Variants in MICAL3 observed in about 807,000 individuals in gnomAD.
The protein encoded by MICAL3 is microtubule associated monooxygenase, calponin and LIM domain containing 3, also known as [F-actin]-monooxygenase MICAL3.
Under a neutral mutation model 207.4 loss-of-function variants are expected in MICAL3, and 62 were observed. That is an observed-to-expected ratio of 0.30 (90% CI 0.24 to 0.37). The LOEUF (loss-of-function observed/expected upper bound fraction) is 0.37. MICAL3 is among the 10% of genes least tolerant of loss of function. MICAL3 has a pLI of 1.00. For synonymous variants in MICAL3, 1,077 were observed against 1,069.3 expected, an observed-to-expected ratio of 1.01 and a Z score of -0.14; for missense variants, 2,368 against 2,635.6, an observed-to-expected ratio of 0.90 and a Z score of 2.22.
At chr22:17,959,338 A>T (rs1934787917) in intron 1 of MICAL3, among the ~76,000 whole-genome samples, 1 of 136,144 alleles carries the variant, frequency 7.3e-6, no homozygotes, top group Non-Finnish European at 1.6e-5. Context: ...TTTTTGAAAC[A>T]GAGTCTCGCT....
intron 12 of MICAL3, 53 bp downstream of exon 12, chr22:17,891,432 G>A: frequency 6.5e-7 from 1 of 1,536,568 alleles, no homozygotes; most frequent in South Asian, 1.1e-5. Flanking sequence ...ATAGCAGAGT[G>A]GTCTGAGATC....
rs1373694929 is a variant in MICAL3, at chr22:17,821,024, CCTAT to C, written c.3531+399_3531+402del. Among the ~76,000 whole-genome samples, 89 of 103,496 alleles carry C rather than the reference CCTAT, an allele frequency of 8.6e-4. 2 individuals carry two copies. Among genetic ancestry groups the C allele is most frequent in the African/African-American group, 2.2e-3 (77 of 35,490 alleles). The allele number at this position is 103,496 out of a possible 152,430, so 67.9% of individuals were successfully genotyped here. Reference sequence around the variant, plus strand: ...TATATTTATAAACAATTTTAATACACCTATGTTTATTATACATTTATTAAATATA... The same window carrying C: ...TATATTTATAAACAATTTTAATACACGTTTATTATACATTTATTAAATATA... On this transcript the variant is annotated intron_variant, in intron 25 of 31. Coordinates refer to ENST00000441493, the MANE Select transcript of MICAL3 (RefSeq NM_015241.3).
At chr22:17,980,921 G>A (rs1253245400) in intron 1 of MICAL3, 5 of 533,286 alleles carry the variant, frequency 9.4e-6, no homozygotes, top group Admixed American at 3.9e-5. Flanking sequence ...GGCCTGCCCC[G>A]GCCCCCACCA....
chr22:17,843,423 C>T (rs372014202), intron 19 of MICAL3, among the ~76,000 whole-genome samples: 2 of 152,206 alleles, frequency 1.3e-5, no homozygotes, highest in African/African-American at 2.4e-5. Flanking sequence ...CAGGTGGAGG[C>T]GGGCAACCCC....
chr22:17,988,612 G>A (rs1288797082), intron 1 of MICAL3, among the ~76,000 whole-genome samples: 15 of 152,064 alleles, frequency 9.9e-5, no homozygotes, highest in Non-Finnish European at 2.1e-4. Flanking sequence ...CTGCAACCGC[G>A]CCCGGCTAAT....
At chr22:17,811,266 G>A (rs2062045139) in intron 27 of MICAL3, 1 of 154,960 alleles carries the variant, frequency 6.5e-6, no homozygotes, top group Non-Finnish European at 1.4e-5. Flanking sequence ...GCTTCTAGGA[G>A]GCTTACAGGG....
chr22:17,863,467 T>A, intron 19 of MICAL3: 1 of 985,380 alleles, frequency 1.0e-6, no homozygotes, highest in Non-Finnish European at 1.2e-6. Flanking sequence ...GCTCTGAGAG[T>A]GTCAGCTGCA....
intron 18 of MICAL3, among the ~76,000 whole-genome samples, chr22:17,865,638 T>A (rs1927021791): frequency 6.6e-6 from 1 of 152,176 alleles, no homozygotes; most frequent in Admixed American, 6.5e-5. Flanking sequence ...CAGAAAGATG[T>A]GTGTTGACGA....
At chr22:18,016,151 TG>T (rs978770124) in intron 1 of MICAL3, among the ~76,000 whole-genome samples, 11 of 152,232 alleles carry the variant, frequency 7.2e-5, no homozygotes, top group African/African-American at 2.7e-4. Flanking sequence ...ACAATAAATA[TG>T]GAATTTTACT....
intron 1 of MICAL3, among the ~76,000 whole-genome samples, chr22:17,959,921 C>T (rs768322815): frequency 2.6e-5 from 4 of 152,160 alleles, no homozygotes; most frequent in South Asian, 2.1e-4. Flanking sequence ...TTGACATGGA[C>T]GAAAAGCTCA....
chr22:17,823,436 C>T (rs1360271304), intron 22 of MICAL3, among the ~76,000 whole-genome samples: 1 of 152,204 alleles, frequency 6.6e-6, no homozygotes, highest in Non-Finnish European at 1.5e-5. Flanking sequence ...TGGCTGTGTG[C>T]TGACCGCCTC....
intron 1 of MICAL3, among the ~76,000 whole-genome samples, chr22:17,975,460 T>C (rs1413964363): frequency 6.6e-6 from 1 of 152,020 alleles, no homozygotes; most frequent in Non-Finnish European, 1.5e-5. Context: ...TCTGCACTCT[T>C]CCTTACCCAG....
intron 19 of MICAL3, among the ~76,000 whole-genome samples, chr22:17,853,054 G>A (rs1004586447): frequency 4.7e-5 from 7 of 149,036 alleles, no homozygotes; most frequent in Non-Finnish European, 1.0e-4. Context: ...CACCCTAGGT[G>A]ACAGAGCGAG....
chr22:17,936,979 C>T (rs1478030411), intron 1 of MICAL3, among the ~76,000 whole-genome samples: 1 of 152,178 alleles, frequency 6.6e-6, no homozygotes, highest in African/African-American at 2.4e-5. Context: ...GTGTCCCCAA[C>T]CCCACTACGT....
intron 20 of MICAL3, among the ~76,000 whole-genome samples, chr22:17,832,440 G>C (rs989698634): frequency 1.3e-5 from 2 of 152,192 alleles, no homozygotes; most frequent in Non-Finnish European, 2.9e-5. Context: ...GGAGTGTGCA[G>C]AACTGGGAGA....
chr22:17,861,476 T>C, intron 19 of MICAL3: 2 of 985,496 alleles, frequency 2.0e-6, no homozygotes, highest in Non-Finnish European at 2.4e-6. Flanking sequence ...TTTCCGGCTA[T>C]GCCTTCGGCT....
chr22:17,900,277 G>A lies in MICAL3; in HGVS notation c.847+565C>T, dbSNP rs550854725. 1.3e-5 allele frequency among the ~76,000 whole-genome samples: 2 copies of A among 152,282 alleles called. No homozygotes were observed. Among genetic ancestry groups the A allele is most frequent in the Admixed American group, 1.3e-4 (2 of 15,298 alleles). ...AGGGCAGGCATTGGGAAGAACTAGT[G>A]GAGGCAGAACGAATGCTTTACAACA... is the stretch of plus-strand genomic sequence containing the variant. On this transcript the variant is annotated intron_variant, in intron 6 of 31. Coordinates refer to ENST00000441493, the MANE Select transcript of MICAL3 (RefSeq NM_015241.3). The surrounding 1 kb of genome is among the most constrained non-coding windows in gnomAD (Gnocchi z 4.0).
intron 1 of MICAL3, among the ~76,000 whole-genome samples, chr22:18,015,996 C>T (rs1924030900): frequency 1.3e-5 from 2 of 151,990 alleles, no homozygotes; most frequent in Admixed American, 1.3e-4. Context: ...ATTTAAAAAA[C>T]CTTTGTTAAC....
At chr22:17,973,159 GGAGAA>G (rs1935496462) in intron 1 of MICAL3, among the ~76,000 whole-genome samples, 1 of 152,228 alleles carries the variant, frequency 6.6e-6, no homozygotes, top group African/African-American at 2.4e-5. Flanking sequence ...GGGGGAAAAG[GGAGAA>G]GAGAGGTGTG....
Sources: gnomAD v4.1 joint callset for allele counts (sites outside exome capture counted in the v4.1 genomes callset) on GRCh38, gnomAD v4.1.1 for gene constraint, Gnocchi (gnomAD v3.1) non-coding constraint, MANE v1.5 for transcripts, NCBI Gene and HGNC (gene_info 2026-07-23, HGNC 2026-07-21) for gene names.